The following SLC9A6 variants were observed in gnomAD, a reference collection of about 807,000 sequenced individuals.
SLC9A6 encodes the protein sodium/hydrogen exchanger 6.
SLC9A6 carries 6 observed loss-of-function variants against 45.3 expected under a neutral mutation model. That is an observed-to-expected ratio of 0.13 (90% CI 0.07 to 0.26). SLC9A6 has a LOEUF of 0.26. SLC9A6 is among the 10% of genes least tolerant of loss of function. The pLI is 1.00. For synonymous variants in SLC9A6, 191 were observed against 187.7 expected (o/e 1.02, Z -0.14); for missense variants, 278 against 503.7 (o/e 0.55, Z 4.29).
chrX:135,997,019 G>T (rs1212457253), intron 3 of SLC9A6, among the ~76,000 whole-genome samples: 1 of 110,868 alleles, frequency 9.0e-6, no homozygotes, highest in African/African-American at 3.3e-5. Flanking sequence ...GCCCGCCTTG[G>T]CCTCCCAAAG....
At chrX:135,987,572 T>C (rs935254327) in intron 2 of SLC9A6, among the ~76,000 whole-genome samples, 37 of 111,679 alleles carry the variant, frequency 3.3e-4, no homozygotes, top group Non-Finnish European at 6.8e-4. Context: ...TTTTTTTTTT[T>C]CTGTAAAGGG....
chrX:135,986,083 G>T (rs1441807908), intron 2 of SLC9A6, among the ~76,000 whole-genome samples: 1 of 108,659 alleles, frequency 9.2e-6, no homozygotes, highest in Non-Finnish European at 1.9e-5. Flanking sequence ...CGCACCCCCA[G>T]CCCCCCACCC....
At chrX:136,013,561 C>G (rs2070963884) in intron 10 of SLC9A6, 124 bp downstream of exon 10, 1 of 484,747 alleles carries the variant, frequency 2.1e-6, no homozygotes, top group African/African-American at 2.4e-5. Context: ...ATTTTGGCTC[C>G]TCTTCCTTTG....
upstream of SLC9A6, among the ~76,000 whole-genome samples, chrX:135,982,680 C>T (rs2089292474): frequency 9.0e-6 from 1 of 111,292 alleles, no homozygotes; most frequent in South Asian, 3.8e-4. Context: ...CACTATGTTG[C>T]CCAGGCTGGT....
chrX:135,985,904 G>C, intron 2 of SLC9A6, 77 bp downstream of exon 2: 1 of 1,097,860 alleles, frequency 9.1e-7, no homozygotes, highest in East Asian at 3.0e-5. Context: ...TCCTCTGCTG[G>C]CCCTGCTCGG....
chrX:135,990,367 AG>A (rs1304856479), intron 2 of SLC9A6, among the ~76,000 whole-genome samples: 1 of 111,641 alleles, frequency 9.0e-6, no homozygotes, highest in Non-Finnish European at 1.9e-5. Flanking sequence ...TCTATGTAGG[AG>A]GCTAGAAGTT....
At position 135,985,694 on chromosome X, in the gene SLC9A6, G is replaced by C; in HGVS notation, c.36G>C (p.Glu12Asp). 1.7e-6 allele frequency: 2 copies of C among 1,212,011 alleles called. No individual in the cohort carries two copies. The highest frequency in any genetic ancestry group is 2.2e-6 in the Non-Finnish European group (2 of 895,524). The change falls in exon 2 of 18, where the codon GAG becomes GAC. Residue 12 changes from glutamate (E) to aspartate (D), a missense_variant. Around this residue, in one of 5 missense-constraint regions of SLC9A6, gnomAD observed 118 missense variants for 209.9 expected, o/e 0.56. Transcript: ENST00000630721. ...DEEIVSEKQA[E>D]ESHRQDSANL... ...AGATCGTGTCCGAGAAGCAAGCCGA[G>C]GAGAGCCACCGGCAGGACAGCGCCA...
intron 12 of SLC9A6, among the ~76,000 whole-genome samples, chrX:136,023,317 A>G (rs781912978): frequency 1.0e-5 from 1 of 98,675 alleles, no homozygotes; most frequent in African/African-American, 3.8e-5. Context: ...ATAAGGATGA[A>G]GTCATTTTCA....
In SLC9A6 at chrX:136,002,205, G is replaced by T. The variant is rs2089593519; in HGVS notation, c.735G>T (p.Val245=). ...ESVLNDAVAI[V]LSSSIVAYQP... ...TCCTCAATGATGCTGTTGCCATAGT[G>T]CTGTCCTCGTAAGTGTTTGTTTTCT... Residue 245 remains valine (V), a synonymous_variant, in exon 7 of 18, where the codon GTG becomes GTT. Coordinates refer to ENST00000630721, the MANE Select transcript of SLC9A6 (RefSeq NM_001379110.1). The T allele has an allele frequency of 6.0e-6, 7 of 1,170,646 alleles. No homozygotes were observed. The highest frequency in any genetic ancestry group is 1.8e-5 in the African/African-American group (1 of 56,456).
Position 135,985,906 on chromosome X carries a change from C to T in SLC9A6, c.169+79C>T, listed in dbSNP as rs2089329461. Reference sequence around the variant, plus strand: ...CGGCTGCTTCGCCTCCTCTGCTGGCCCTGCTCGGCCTACGTTCGGCTCCCC... The same window carrying T: ...CGGCTGCTTCGCCTCCTCTGCTGGCTCTGCTCGGCCTACGTTCGGCTCCCC... On this transcript the variant is annotated intron_variant, in intron 2 of 17. Transcript: ENST00000630721. 13 of 1,093,118 alleles carry T rather than the reference C, an allele frequency of 1.2e-5. No homozygotes were observed. The South Asian group carries it at 2.0e-4, about 17-fold the overall frequency. The allele number at this position is 1,093,118 out of a possible 1,213,427, so 90.1% of individuals were successfully genotyped here.
chrX:136,006,933 C>G (rs1425957054), intron 7 of SLC9A6, among the ~76,000 whole-genome samples: 1 of 110,396 alleles, frequency 9.1e-6, no homozygotes, highest in African/African-American at 3.3e-5. Context: ...ATGGCGCGGT[C>G]TTGGCTCACT....
At chrX:135,989,994 TTTTTG>T (rs2089404359) in intron 2 of SLC9A6, among the ~76,000 whole-genome samples, 1 of 111,707 alleles carries the variant, frequency 9.0e-6, no homozygotes, top group Admixed American at 9.5e-5. Flanking sequence ...TTTGTTTTTG[TTTTTG>T]TTTTGAGACG....
intron 7 of SLC9A6, among the ~76,000 whole-genome samples, chrX:136,009,015 A>G (rs1169103565): frequency 2.7e-5 from 3 of 112,152 alleles, no homozygotes; most frequent in Non-Finnish European, 3.8e-5. Context: ...TGGCATAGGT[A>G]TTTTGTTCCA....
chrX:136,001,380 A>ATATTAAT (rs1295084982), intron 6 of SLC9A6, among the ~76,000 whole-genome samples: 2 of 106,911 alleles, frequency 1.9e-5, no homozygotes, highest in African/African-American at 6.8e-5. Flanking sequence ...ACCTCTCGTT[A>ATATTAAT]TATTAATTTT....
chrX:136,030,322 T>C (rs1241214598), intron 15 of SLC9A6, 160 bp downstream of exon 15: 2 of 559,772 alleles, frequency 3.6e-6, no homozygotes, highest in East Asian at 3.7e-5. Context: ...CACTGCTCCA[T>C]AGAGACAAAA....
At chrX:136,011,292 T>C (rs1034575353) in intron 8 of SLC9A6, among the ~76,000 whole-genome samples, 14 of 112,229 alleles carry the variant, frequency 1.2e-4, no homozygotes, top group African/African-American at 4.2e-4. Flanking sequence ...CAGGCTGGAG[T>C]GCAATGGCAC....
intron 10 of SLC9A6, among the ~76,000 whole-genome samples, chrX:136,014,897 A>G (rs1556619107): frequency 8.8e-6 from 1 of 113,184 alleles, no homozygotes; most frequent in Non-Finnish European, 1.9e-5. Context: ...ACTTCAGATT[A>G]TATGTCATAG....
At chrX:136,008,188 C>T (rs782001567) in intron 7 of SLC9A6, among the ~76,000 whole-genome samples, 1 of 111,796 alleles carries the variant, frequency 8.9e-6, no homozygotes, top group South Asian at 3.7e-4. Context: ...TGTGCTGTAT[C>T]CATTTGGACC....
intron 7 of SLC9A6, among the ~76,000 whole-genome samples, chrX:136,006,648 A>T (rs1361888543): frequency 3.6e-5 from 4 of 110,627 alleles, no homozygotes; most frequent in African/African-American, 1.3e-4. Context: ...GTAGTTAGAG[A>T]TAAAGTATAC....
Sources: allele counts gnomAD v4.1 joint callset (sites outside exome capture counted in the v4.1 genomes callset), GRCh38; gene constraint gnomAD v4.1.1; regional missense constraint gnomAD v4.1.1; transcripts MANE v1.5; gene names NCBI Gene and HGNC (gene_info 2026-07-23, HGNC 2026-07-21).